The following GLIS3 variants were observed in gnomAD, a reference collection of about 807,000 sequenced individuals.
The protein encoded by GLIS3 is zinc finger protein GLIS3.
In GLIS3, 53 loss-of-function variants were observed where a neutral mutation model predicts 78.6. The ratio of observed to expected loss-of-function variants is 0.67; its 90% CI spans 0.54 to 0.85. GLIS3 has a LOEUF of 0.85. GLIS3 is among the 40% of genes least tolerant of loss of function. The probability of loss-of-function intolerance (pLI) is 0.00; values close to 1 mark genes in which losing one functional copy is unlikely to be tolerated. For missense variants in GLIS3, 1,703 were observed against 1,231.1 expected (o/e 1.38, Z -5.74); for synonymous variants, 684 against 509.9 (o/e 1.34, Z -4.60).
intron 2 of GLIS3, among the ~76,000 whole-genome samples, chr9:4,181,139 G>A (rs1305733725): frequency 1.3e-5 from 2 of 152,226 alleles, no homozygotes; most frequent in Non-Finnish European, 2.9e-5. Context: ...TTGCCTGATG[G>A]TAATGAGAAG....
intron 6 of GLIS3, among the ~76,000 whole-genome samples, chr9:3,916,698 C>A (rs1353826742): frequency 1.3e-5 from 2 of 151,510 alleles, no homozygotes; most frequent in African/African-American, 4.8e-5. Flanking sequence ...ATTTTTTTTT[C>A]TCCTCCTGAA....
chr9:4,128,085 A>G (rs887449196), intron 2 of GLIS3, among the ~76,000 whole-genome samples: 1 of 152,280 alleles, frequency 6.6e-6, no homozygotes, highest in African/African-American at 2.4e-5. Context: ...CTTAGAGCCA[A>G]TACAAACTAA....
At chr9:4,064,711 C>G (rs1466655637) in intron 4 of GLIS3, among the ~76,000 whole-genome samples, 1 of 152,114 alleles carries the variant, frequency 6.6e-6, no homozygotes, top group Non-Finnish European at 1.5e-5. Flanking sequence ...GGAGAATCAC[C>G]TGAAGCTGGG....
chr9:4,228,694 G>T (rs1237919094), intron 2 of GLIS3, among the ~76,000 whole-genome samples: 1 of 152,136 alleles, frequency 6.6e-6, no homozygotes. Flanking sequence ...ACACATCTTT[G>T]CTCTTAATAA....
chr9:3,889,653 A>T (rs773207164), intron 7 of GLIS3, among the ~76,000 whole-genome samples: 5 of 152,220 alleles, frequency 3.3e-5, no homozygotes, highest in African/African-American at 9.6e-5. Context: ...CTCAGATGTA[A>T]GTATAAAACA....
At chr9:4,221,044 G>C (rs1158223068) in intron 2 of GLIS3, among the ~76,000 whole-genome samples, 3 of 152,056 alleles carry the variant, frequency 2.0e-5, no homozygotes, top group Non-Finnish European at 2.9e-5. Context: ...AAAAAGGAAA[G>C]GGAAAAATAG....
intron 2 of GLIS3, among the ~76,000 whole-genome samples, chr9:4,320,917 A>T (rs927419348): frequency 6.6e-6 from 1 of 151,684 alleles, no homozygotes; most frequent in South Asian, 2.1e-4. Context: ...GCAAGTTTTG[A>T]AAGTCTGTCT....
chr9:4,370,183 CA>C, the GLIS3 span, among the ~76,000 whole-genome samples: 31,758 of 87,596 alleles, frequency 0.36, 2,623 homozygotes, highest in South Asian at 0.45. Flanking sequence ...GACTCCATCT[CA>C]AAAAAAAAAA....
At chr9:4,173,958 A>G (rs967544132) in intron 2 of GLIS3, among the ~76,000 whole-genome samples, 4 of 152,030 alleles carry the variant, frequency 2.6e-5, no homozygotes, top group African/African-American at 9.7e-5. Flanking sequence ...ACGCATTTCT[A>G]TATAGAAAAA....
chr9:3,836,341 C>A (rs143625602), intron 9 of GLIS3, among the ~76,000 whole-genome samples: 1 of 152,196 alleles, frequency 6.6e-6, no homozygotes, highest in South Asian at 2.1e-4. Flanking sequence ...ATTATTTTTC[C>A]GCAGAGACTA....
Position 3,860,457 on chromosome 9 carries a change from A to G in GLIS3, c.2298-4273T>C, listed in dbSNP as rs140390513. On this transcript the variant is annotated intron_variant, in intron 8 of 10. Transcript: ENST00000381971. ...GCTTGCTCAGCCCCAACCCCCTGTT[A>G]TCATTGAACTCCCCAGCCATGCAGT... 6.0e-4 allele frequency among the ~76,000 whole-genome samples: 91 copies of G among 152,050 alleles called. 1 individual carries two copies. Among genetic ancestry groups the G allele is most frequent in the African/African-American group, 2.1e-3 (89 of 41,454 alleles).
chr9:4,042,015 T>C (rs796413099), intron 4 of GLIS3, among the ~76,000 whole-genome samples: 17 of 152,344 alleles, frequency 1.1e-4, no homozygotes, highest in African/African-American at 4.1e-4. Flanking sequence ...GAGCTGAAAC[T>C]GTGCTGACAG....
At chr9:3,839,046 T>A (rs1043067664) in intron 9 of GLIS3, among the ~76,000 whole-genome samples, 1 of 152,188 alleles carries the variant, frequency 6.6e-6, no homozygotes, top group African/African-American at 2.4e-5. Context: ...ATACACTCAC[T>A]ACCTACATGG....
chr9:4,238,606 A>C (rs945945996), intron 2 of GLIS3, among the ~76,000 whole-genome samples: 5 of 152,344 alleles, frequency 3.3e-5, no homozygotes, highest in African/African-American at 1.2e-4. Flanking sequence ...AAGTAGAATA[A>C]GTTTTGCCAG....
chr9:4,023,593 C>CGA (rs146699578), intron 4 of GLIS3, among the ~76,000 whole-genome samples: 2,070 of 152,270 alleles, frequency 0.014, 59 homozygotes, highest in African/African-American at 0.047. Flanking sequence ...GCCCACAGAG[C>CGA]GAGCATTGCT....
At chr9:4,011,262 A>G (rs1487452762) in intron 4 of GLIS3, among the ~76,000 whole-genome samples, 1 of 152,142 alleles carries the variant, frequency 6.6e-6, no homozygotes, top group Non-Finnish European at 1.5e-5. Flanking sequence ...GGCACTGGAG[A>G]ATCGGGTTTG....
the GLIS3 span, among the ~76,000 whole-genome samples, chr9:4,374,252 C>T: frequency 8.5e-5 from 13 of 152,216 alleles, no homozygotes; most frequent in Admixed American, 3.9e-4. Context: ...TAGAACAACT[C>T]CCCTTCTCTG....
chr9:3,908,728 T>TTTTTTC (rs1554644779), intron 6 of GLIS3, among the ~76,000 whole-genome samples: 1 of 138,276 alleles, frequency 7.2e-6, no homozygotes, highest in African/African-American at 2.7e-5. Context: ...TTTTTTTTTT[T>TTTTTTC]GTACAGGATT....
chr9:4,094,325 C>A (rs750074635), intron 4 of GLIS3, among the ~76,000 whole-genome samples: 11 of 152,158 alleles, frequency 7.2e-5, no homozygotes, highest in Non-Finnish European at 1.3e-4. Context: ...TCATATGTGG[C>A]TAGTGAGAGT....
Sources: gnomAD v4.1 joint callset for allele counts (sites outside exome capture counted in the v4.1 genomes callset) on GRCh38, gnomAD v4.1.1 for gene constraint, MANE v1.5 for transcripts, NCBI Gene and HGNC (gene_info 2026-07-23, HGNC 2026-07-21) for gene names.